The following PM20D2 variants were observed in gnomAD, a reference collection of about 807,000 sequenced individuals.
PM20D2 encodes peptidase M20 domain containing 2, also known as xaa-Arg dipeptidase.
PM20D2 carries 33 observed loss-of-function variants against 42.9 expected under a neutral mutation model. That is an observed-to-expected ratio of 0.77 (90% CI 0.58 to 1.03). The LOEUF is 1.03. Among genes scored for constraint, PM20D2 ranks in the 50% least tolerant of loss-of-function variants. The pLI is 0.00. For synonymous variants in PM20D2, 250 were observed against 228.2 expected, an observed-to-expected ratio of 1.10 and a Z score of -0.86; for missense variants, 548 against 557.0, an observed-to-expected ratio of 0.98 and a Z score of 0.16.
At chr6:89,102,921 C>T in the PM20D2 span, among the ~76,000 whole-genome samples, 2 of 152,068 alleles carry the variant, frequency 1.3e-5, no homozygotes, top group Non-Finnish European at 2.9e-5. Context: ...TGCCACCACA[C>T]GTGGCTAATT....
intron 6 of PM20D2, 85 bp downstream of exon 6, chr6:89,161,975 T>A: frequency 6.7e-7 from 1 of 1,482,292 alleles, no homozygotes; most frequent in Non-Finnish European, 9.4e-7. Flanking sequence ...ACTATTTCAC[T>A]ACATAACATC....
chr6:89,099,754 C>G, the PM20D2 span, among the ~76,000 whole-genome samples: 1 of 152,076 alleles, frequency 6.6e-6, no homozygotes, highest in South Asian at 2.1e-4. Flanking sequence ...AGGCTGGTCT[C>G]AATCTCCCGA....
the PM20D2 span, chr6:89,098,458 T>C: frequency 1.6e-6 from 2 of 1,279,588 alleles, no homozygotes; most frequent in Non-Finnish European, 1.0e-6. Context: ...ATTTCTTCCA[T>C]ATGCCCAAAG....
At chr6:89,143,824 A>T (rs368465273), upstream of PM20D2, among the ~76,000 whole-genome samples, 140 of 152,360 alleles carry the variant, frequency 9.2e-4, 1 homozygote, top group African/African-American at 3.2e-3. Flanking sequence ...CACATAAAGG[A>T]CTGAGAAGTC....
At chr6:89,118,064 G>A in the PM20D2 span, 13 of 310,276 alleles carry the variant, frequency 4.2e-5, no homozygotes, top group East Asian at 2.2e-4. Context: ...GCAGCGCGGC[G>A]CCAGCCTGGA....
chr6:89,143,494 ACCAGT>A (rs1770408577), upstream of PM20D2, among the ~76,000 whole-genome samples: 1 of 152,148 alleles, frequency 6.6e-6, no homozygotes, highest in Admixed American at 6.5e-5. Flanking sequence ...ATACTTTAAA[ACCAGT>A]CCTCAAGAGA....
intron 4 of PM20D2, 150 bp downstream of exon 4, chr6:89,155,052 A>C: frequency 3.0e-6 from 2 of 664,048 alleles, no homozygotes; most frequent in Non-Finnish European, 2.3e-6. Context: ...GAAAGTCTTT[A>C]ATTTTTACAC....
intron 6 of PM20D2, 88 bp downstream of exon 6, chr6:89,161,978 A>G: frequency 1.4e-6 from 2 of 1,481,290 alleles, no homozygotes; most frequent in African/African-American, 2.8e-5. Flanking sequence ...ATTTCACTAC[A>G]TAACATCACC....
rs948631967 is a variant in PM20D2, at chr6:89,164,374, C to G, written c.*2111C>G. 1 of 152,474 alleles carries G rather than the reference C, an allele frequency of 6.6e-6. No individual in the cohort carries two copies. Among genetic ancestry groups the G allele is most frequent in the South Asian group, 2.1e-4 (1 of 4,822 alleles). 9.4% of individuals were successfully genotyped at this position (152,474 alleles called of 1,614,324 possible). On this transcript the variant is annotated 3_prime_UTR_variant, in exon 7 of 7. Coordinates refer to ENST00000275072, the MANE Select transcript of PM20D2 (RefSeq NM_001010853.3). ...TGGGTGTAAGAAGAAAAGACACTTG[C>G]AAAGGAAGAGCTAAGATTAACATAA...
chr6:89,118,398 T>G, the PM20D2 span, among the ~76,000 whole-genome samples: 2 of 152,242 alleles, frequency 1.3e-5, no homozygotes, highest in African/African-American at 4.8e-5. Context: ...CGCATCGTCC[T>G]GAGCGCAGGA....
chr6:89,138,333 C>T, the PM20D2 span, among the ~76,000 whole-genome samples: 1 of 152,122 alleles, frequency 6.6e-6, no homozygotes, highest in Non-Finnish European at 1.5e-5. Flanking sequence ...TTGCCAACAA[C>T]AACACTCGGG....
the PM20D2 span, chr6:89,117,917 C>T: frequency 5.2e-6 from 8 of 1,549,566 alleles, no homozygotes; most frequent in Non-Finnish European, 6.9e-6. Flanking sequence ...TCCGGGTCTG[C>T]CCGCGGCCGC....
chr6:89,146,753 T>C (rs1342272344), intron 1 of PM20D2, 144 bp downstream of exon 1: 3 of 644,296 alleles, frequency 4.7e-6, no homozygotes, highest in Non-Finnish European at 7.1e-6. Context: ...AAACCTGCGG[T>C]CCTCGCCTCG....
chr6:89,146,660 C>A (rs1770578564), intron 1 of PM20D2, 51 bp downstream of exon 1: 1 of 1,323,148 alleles, frequency 7.6e-7, no homozygotes, highest in Non-Finnish European at 9.7e-7. Context: ...GGGTCGGGGG[C>A]GACCCGGGAA....
chr6:89,099,492 A>G, the PM20D2 span, among the ~76,000 whole-genome samples: 3 of 124,636 alleles, frequency 2.4e-5, no homozygotes, highest in African/African-American at 3.4e-5. Context: ...GTGTGTGTAT[A>G]TATATATGTG....
the PM20D2 span, among the ~76,000 whole-genome samples, chr6:89,099,129 T>C: frequency 6.6e-6 from 1 of 152,076 alleles, no homozygotes; most frequent in East Asian, 1.9e-4. Context: ...GTTTGTAATA[T>C]TTGTTATACT....
rs371650073 is a variant in PM20D2, at chr6:89,165,179, T to C, written c.*2916T>C. ...AGGATGATTGTCTAATTTTGTAATA[T>C]GTTGTTTTTTAAAAACCTGTCTGAT... On this transcript the variant is annotated 3_prime_UTR_variant, in exon 7 of 7. Transcript: ENST00000275072. 5 of 152,180 alleles carry C rather than the reference T, an allele frequency of 3.3e-5. No individual in the cohort carries two copies. The highest frequency in any genetic ancestry group is 9.6e-5 in the African/African-American group (4 of 41,566). The allele number at this position is 152,180 out of a possible 1,614,324, so 9.4% of individuals were successfully genotyped here.
At chr6:89,115,077 T>A in the PM20D2 span, among the ~76,000 whole-genome samples, 1 of 151,788 alleles carries the variant, frequency 6.6e-6, no homozygotes, top group African/African-American at 2.4e-5. Context: ...ATTATAGGCG[T>A]GAGCCACCAC....
At chr6:89,142,414 T>G (rs566424682), upstream of PM20D2, among the ~76,000 whole-genome samples, 50 of 152,330 alleles carry the variant, frequency 3.3e-4, 1 homozygote, top group South Asian at 5.4e-3. Context: ...GTGATTTGCT[T>G]CTTCTCCATG....
Sources: allele counts gnomAD v4.1 joint callset (sites outside exome capture counted in the v4.1 genomes callset), GRCh38; gene constraint gnomAD v4.1.1; transcripts MANE v1.5; gene names NCBI Gene and HGNC (gene_info 2026-07-23, HGNC 2026-07-21).